FRMD1: variants seen among roughly 807,000 people sequenced by gnomAD.
The protein encoded by FRMD1 is FERM domain-containing protein 1.
Under a neutral mutation model 54.9 loss-of-function variants are expected in FRMD1, and 51 were observed. The observed-to-expected ratio is 0.93, with a 90% CI of 0.74 to 1.17. The LOEUF (loss-of-function observed/expected upper bound fraction) is 1.17, where lower values mean the gene tolerates loss of function less well. FRMD1 is among the 50% of genes most tolerant of loss of function. The pLI, the probability that FRMD1 is intolerant of heterozygous loss-of-function variation, is 0.00. For synonymous variants in FRMD1, 324 were observed against 306.4 expected (o/e 1.06, Z -0.60); for missense variants, 729 against 743.0 (o/e 0.98, Z 0.22).
intron 8 of FRMD1, among the ~76,000 whole-genome samples, chr6:168,061,510 C>G (rs536591156): frequency 6.6e-6 from 1 of 152,248 alleles, no homozygotes; most frequent in Non-Finnish European, 1.5e-5. Flanking sequence ...ATTTCTTGCT[C>G]TTTGTGGGCA....
chr6:168,087,330 A>T (rs1800938513), intron 1 of FRMD1, among the ~76,000 whole-genome samples: 1 of 152,140 alleles, frequency 6.6e-6, no homozygotes, highest in African/African-American at 2.4e-5. Context: ...CGCCTCCCAA[A>T]GTGCTGGGAT....
intron 1 of FRMD1, among the ~76,000 whole-genome samples, chr6:168,090,298 G>A (rs536802372): frequency 9.9e-5 from 15 of 152,118 alleles, no homozygotes; most frequent in Non-Finnish European, 1.6e-4. Context: ...GCCCACAGAC[G>A]GCTCCCACCT....
chr6:168,079,679 G>A (rs1167123135), upstream of FRMD1, among the ~76,000 whole-genome samples: 1 of 152,190 alleles, frequency 6.6e-6, no homozygotes, highest in African/African-American at 2.4e-5. Context: ...TGCCAGGAGG[G>A]ACCCTGGCTC....
Position 168,075,355 on chromosome 6 carries a change from G to A in FRMD1, c.214-20C>T, listed in dbSNP as rs200984352. The A allele has an allele frequency of 1.9e-6, 3 of 1,606,010 alleles. No homozygotes were observed. The highest frequency in any genetic ancestry group is 2.6e-6 in the Non-Finnish European group (3 of 1,175,792). ...CTTCACCTGCAAAAGAGGTGGGGAG[G>A]GGTTCAGGGAGGGGCCGGCACCTGT... is the stretch of plus-strand genomic sequence containing the variant. On this transcript the variant is annotated intron_variant, in intron 1 of 10. Transcript: ENST00000283309.
At chr6:168,081,466 A>T, upstream of FRMD1, 1 of 1,535,596 alleles carries the variant, frequency 6.5e-7, no homozygotes, top group Non-Finnish European at 8.7e-7. Flanking sequence ...ACCACCGCCC[A>T]GATCTCCTCA....
Position 168,079,045 on chromosome 6 carries a change from G to A in FRMD1, c.50C>T (p.Pro17Leu). 1.2e-6 allele frequency: 2 copies of A among 1,610,824 alleles called. No individual in the cohort carries two copies. Among genetic ancestry groups the A allele is most frequent in the Non-Finnish European group, 1.7e-6 (2 of 1,179,942 alleles). The change falls in exon 1 of 11, where the codon CCT (proline) becomes CTT (leucine). Residue 17 changes from proline (P) to leucine (L), a missense_variant. Pro to Leu is a moderately conservative substitution (Grantham distance 98). Coordinates refer to ENST00000283309, the MANE Select transcript of FRMD1 (RefSeq NM_024919.6). ...GRGIDPARTN[P>L]DTFPPSGARC... ...CGCCCCTGAAGGAGGGAACGTGTCA[G>A]GGTTTGTCCGGGCGGGGTCTATGCC...
upstream of FRMD1, among the ~76,000 whole-genome samples, chr6:168,084,214 G>GGC (rs1554258779): frequency 6.6e-6 from 1 of 152,186 alleles, no homozygotes; most frequent in Non-Finnish European, 1.5e-5. Context: ...AGCTTCTAGG[G>GGC]ATTAGACGGA....
chr6:168,087,094 G>A (rs1362594857), intron 1 of FRMD1, among the ~76,000 whole-genome samples: 3 of 151,440 alleles, frequency 2.0e-5, no homozygotes, highest in Non-Finnish European at 4.4e-5. Flanking sequence ...TTCATGTGGT[G>A]TCTTGCTCTG....
chr6:168,068,237 G>A (rs546933996), intron 2 of FRMD1, among the ~76,000 whole-genome samples: 2 of 152,262 alleles, frequency 1.3e-5, no homozygotes, highest in Admixed American at 6.5e-5. Context: ...TATAAGAGAC[G>A]CTTCTTTCTA....
In FRMD1 at chr6:168,055,321, A is replaced by ATG. The variant is rs141975455; in HGVS notation, c.*1774_*1775dup. The ATG allele has an allele frequency of 7.2e-5, 11 of 152,918 alleles. No individual in the cohort carries two copies. Among genetic ancestry groups the ATG allele is most frequent in the South Asian group, 2.1e-4 (1 of 4,846 alleles). 9.5% of individuals were successfully genotyped at this position (152,918 alleles called of 1,614,324 possible). On this transcript the variant is annotated 3_prime_UTR_variant, in exon 11 of 11. Coordinates refer to ENST00000283309, the MANE Select transcript of FRMD1 (RefSeq NM_024919.6). Reference sequence around the variant, plus strand: ...GGAGTGTGCATGTATGGATGTGTGCATGTGTGTGTGTGCATGCGTGTGCAT... The same window carrying ATG: ...GGAGTGTGCATGTATGGATGTGTGCATGTGTGTGTGTGTGCATGCGTGTGCAT...
At chr6:168,065,763 C>T (rs113718369) in intron 4 of FRMD1, 13 of 992,542 alleles carry the variant, frequency 1.3e-5, no homozygotes, top group East Asian at 1.1e-4. Context: ...CCCACACAAC[C>T]ACACGCCCCT....
In FRMD1 at chr6:168,065,085, G is replaced by A. The variant is rs371794425; in HGVS notation, c.462-28C>T. ...GGAAGGTGGCAGGGAGTGAGTTCCA[G>A]GACGACCGGTGTGGGGACTGCTGGC... On this transcript the variant is annotated intron_variant, in intron 4 of 10. Coordinates refer to ENST00000283309, the MANE Select transcript of FRMD1 (RefSeq NM_024919.6). 174 of 1,581,786 alleles carry A rather than the reference G, an allele frequency of 1.1e-4. No individual in the cohort carries two copies. In the African/African-American group the frequency reaches 2.0e-3, roughly 18 times the overall value.
intron 1 of FRMD1, among the ~76,000 whole-genome samples, chr6:168,088,043 A>G (rs1800951472): frequency 6.6e-6 from 1 of 152,002 alleles, no homozygotes; most frequent in African/African-American, 2.4e-5. Flanking sequence ...TGCCCCGAAA[A>G]GGCTCTCTCC....
At chr6:168,077,282 G>GA (rs201114237) in intron 1 of FRMD1, among the ~76,000 whole-genome samples, 2 of 43,570 alleles carry the variant, frequency 4.6e-5, no homozygotes, top group South Asian at 1.5e-3. Context: ...ACACTCCGAT[G>GA]GGGGGGGGTT....
chr6:168,091,063 G>C (rs1801008433), intron 1 of FRMD1, among the ~76,000 whole-genome samples: 1 of 152,204 alleles, frequency 6.6e-6, no homozygotes, highest in Admixed American at 6.5e-5. Flanking sequence ...ACTATGGGGG[G>C]TTATGAATGT....
chr6:168,062,500 G>A (rs773768023), intron 7 of FRMD1, among the ~76,000 whole-genome samples: 24 of 152,254 alleles, frequency 1.6e-4, no homozygotes, highest in Non-Finnish European at 2.9e-4. Context: ...ACGCCTGCAG[G>A]GCCAGGGCCA....
chr6:168,076,256 G>A (rs950587823), intron 1 of FRMD1, among the ~76,000 whole-genome samples: 12 of 152,256 alleles, frequency 7.9e-5, no homozygotes, highest in African/African-American at 2.4e-4. Context: ...CACAGCTGGG[G>A]CAGCTGGATC....
At position 168,074,762 on chromosome 6, in the gene FRMD1, ATG is replaced by A. The variant is rs1800493916; in HGVS notation, c.304+481_304+482del. On this transcript the variant is annotated intron_variant, in intron 2 of 10. Coordinates refer to ENST00000283309, the MANE Select transcript of FRMD1 (RefSeq NM_024919.6). ...GTAACTGTGTGCATGTGTGTGGTGC[ATG>A]CATGTGTACATGTGTGACTGGTGTG... Among the ~76,000 whole-genome samples, 4 of 8,688 alleles carry A rather than the reference ATG, an allele frequency of 4.6e-4. No individual in the cohort carries two copies. The South Asian group carries it at 0.013, about 28-fold the overall frequency. 5.7% of individuals were successfully genotyped at this position (8,688 alleles called of 152,430 possible).
chr6:168,083,421 G>A (rs891071639), upstream of FRMD1, among the ~76,000 whole-genome samples: 4 of 152,214 alleles, frequency 2.6e-5, no homozygotes, highest in Non-Finnish European at 4.4e-5. Flanking sequence ...CGCCCCAACC[G>A]AACTTCAAAA....
Sources: gnomAD v4.1 joint callset for allele counts (sites outside exome capture counted in the v4.1 genomes callset) on GRCh38, gnomAD v4.1.1 for gene constraint, MANE v1.5 for transcripts, NCBI Gene and HGNC (gene_info 2026-07-23, HGNC 2026-07-21) for gene names.